The following FGF12 variants were observed in gnomAD, a reference collection of about 807,000 sequenced individuals.
FGF12 encodes fibroblast growth factor 12B.
In FGF12, 14 loss-of-function variants were observed where a neutral mutation model predicts 23.6. That is an observed-to-expected ratio of 0.59 (90% CI 0.39 to 0.93). FGF12 has a LOEUF of 0.93. Among genes scored for constraint, FGF12 ranks in the 40% least tolerant of loss-of-function variants. The pLI, the probability that FGF12 is intolerant of heterozygous loss-of-function variation, is 0.00. For synonymous variants in FGF12, 62 were observed against 77.3 expected (o/e 0.80, Z 1.04); for missense variants, 175 against 217.8 (o/e 0.80, Z 1.24).
chr3:192,225,637 T>C (rs1428334525), intron 4 of FGF12, among the ~76,000 whole-genome samples: 1 of 152,134 alleles, frequency 6.6e-6, no homozygotes, highest in East Asian at 1.9e-4. Context: ...AAAACATGTA[T>C]CTACACAAAA....
intron 3 of FGF12, among the ~76,000 whole-genome samples, chr3:192,340,317 A>C (rs895941718): frequency 2.0e-5 from 3 of 152,114 alleles, no homozygotes; most frequent in African/African-American, 7.2e-5. Flanking sequence ...TGCCAACCAC[A>C]ACCAGATTGT....
intron 2 of FGF12, among the ~76,000 whole-genome samples, chr3:192,659,448 G>A (rs78390831): frequency 0.023 from 3,491 of 152,170 alleles, 146 homozygotes; most frequent in African/African-American, 0.081. Context: ...ACCATCAGTC[G>A]CTCCCACTGT....
At chr3:192,365,010 C>T (rs570664551) in intron 2 of FGF12, among the ~76,000 whole-genome samples, 1 of 152,070 alleles carries the variant, frequency 6.6e-6, no homozygotes, top group East Asian at 1.9e-4. Flanking sequence ...CCAAAAAACC[C>T]ACAACCCCAG....
intron 4 of FGF12, among the ~76,000 whole-genome samples, chr3:192,327,206 T>C (rs973129547): frequency 6.6e-6 from 1 of 152,084 alleles, no homozygotes; most frequent in Non-Finnish European, 1.5e-5. Flanking sequence ...AATCTAAAAG[T>C]CCTTCAGAAA....
intron 4 of FGF12, among the ~76,000 whole-genome samples, chr3:192,306,260 T>C (rs1715647470): frequency 6.6e-6 from 1 of 152,186 alleles, no homozygotes; most frequent in Non-Finnish European, 1.5e-5. Flanking sequence ...CACAACAAGT[T>C]GGAAATTCTT....
intron 4 of FGF12, among the ~76,000 whole-genome samples, chr3:192,316,496 T>A (rs1716234917): frequency 6.6e-6 from 1 of 152,140 alleles, no homozygotes; most frequent in South Asian, 2.1e-4. Context: ...GCATTAGGAC[T>A]CAGTGCTTCC....
chr3:192,255,375 A>G (rs1187970024), intron 4 of FGF12, among the ~76,000 whole-genome samples: 1 of 151,992 alleles, frequency 6.6e-6, no homozygotes, highest in Non-Finnish European at 1.5e-5. Context: ...TAAAATTACA[A>G]TCTAACTGGG....
At chr3:192,202,159 A>T (rs936726762) in intron 4 of FGF12, among the ~76,000 whole-genome samples, 2 of 152,178 alleles carry the variant, frequency 1.3e-5, no homozygotes, top group Non-Finnish European at 2.9e-5. Flanking sequence ...CCTGAAAAAA[A>T]AAGTAAGGTA....
chr3:192,290,930 T>G lies in FGF12; in HGVS notation c.228+44431A>C, dbSNP rs148976412. On this transcript the variant is annotated intron_variant, in intron 4 of 5. Transcript: ENST00000445105. The stretch of plus-strand genomic sequence containing the variant: ...ACAAAAAATATGTATATAACATACA[T>G]GTATATACACACATACATCGAAAAA... Among the ~76,000 whole-genome samples the G allele has an allele frequency of 1.1e-3, 175 of 152,294 alleles. 2 individuals carry two copies. Among genetic ancestry groups the G allele is most frequent in the African/African-American group, 4.0e-3 (167 of 41,576 alleles).
At chr3:192,196,280 C>G (rs1420977969) in intron 4 of FGF12, among the ~76,000 whole-genome samples, 1 of 152,016 alleles carries the variant, frequency 6.6e-6, no homozygotes, top group Admixed American at 6.6e-5. Context: ...AAGAGTCCAT[C>G]AACTTTAAAA....
chr3:192,203,261 T>A (rs1717470328), intron 4 of FGF12, among the ~76,000 whole-genome samples: 1 of 152,164 alleles, frequency 6.6e-6, no homozygotes, highest in African/African-American at 2.4e-5. Flanking sequence ...TTCATATGCA[T>A]TTGTCTTATA....
At chr3:192,413,416 T>C (rs1721257194) in intron 2 of FGF12, among the ~76,000 whole-genome samples, 2 of 152,088 alleles carry the variant, frequency 1.3e-5, no homozygotes, top group African/African-American at 4.8e-5. Flanking sequence ...CTAAACTACA[T>C]CTGCAAAATA....
chr3:192,370,686 T>G (rs1719188554), intron 2 of FGF12, among the ~76,000 whole-genome samples: 1 of 152,174 alleles, frequency 6.6e-6, no homozygotes, highest in African/African-American at 2.4e-5. Context: ...TTTTACAAAG[T>G]CAAAGGATAC....
chr3:192,554,724 A>G (rs1711686549), intron 2 of FGF12, among the ~76,000 whole-genome samples: 1 of 152,134 alleles, frequency 6.6e-6, no homozygotes, highest in South Asian at 2.1e-4. Context: ...ACCCAAAGAA[A>G]CAAAGGTATG....
intron 2 of FGF12, among the ~76,000 whole-genome samples, chr3:192,565,917 T>C (rs2108598360): frequency 6.6e-6 from 1 of 152,094 alleles, no homozygotes; most frequent in South Asian, 2.1e-4. Context: ...AGAAACACTG[T>C]CTCTACTGAA....
intron 4 of FGF12, among the ~76,000 whole-genome samples, chr3:192,226,771 G>C (rs1718756988): frequency 6.6e-6 from 1 of 151,990 alleles, no homozygotes; most frequent in Non-Finnish European, 1.5e-5. Flanking sequence ...AATGCCAAGA[G>C]ACTGAATGTT....
intron 2 of FGF12, among the ~76,000 whole-genome samples, chr3:192,490,558 C>T (rs546616247): frequency 3.3e-5 from 5 of 151,754 alleles, no homozygotes; most frequent in South Asian, 2.1e-4. Context: ...TATACACATA[C>T]GTACACATAT....
At chr3:192,480,627 C>G (rs1404589025) in intron 2 of FGF12, among the ~76,000 whole-genome samples, 1 of 152,108 alleles carries the variant, frequency 6.6e-6, no homozygotes. Context: ...ATGCAGAAAG[C>G]ATGTATCTCA....
At chr3:192,202,456 G>T (rs1418599364) in intron 4 of FGF12, among the ~76,000 whole-genome samples, 1 of 152,186 alleles carries the variant, frequency 6.6e-6, no homozygotes, top group Non-Finnish European at 1.5e-5. Context: ...TTATGTGCCT[G>T]TTCTAATTAA....
Sources: allele counts gnomAD v4.1 joint callset (sites outside exome capture counted in the v4.1 genomes callset), GRCh38; gene constraint gnomAD v4.1.1; transcripts MANE v1.5; gene names NCBI Gene and HGNC (gene_info 2026-07-23, HGNC 2026-07-21).